Variants in CTNNA3 observed in about 807,000 individuals in gnomAD.
CTNNA3 encodes the protein catenin alpha-3.
A neutral mutation model predicts 95.7 loss-of-function variants in CTNNA3; 76 were observed. The observed-to-expected ratio is 0.79, with a 90% CI of 0.66 to 0.96. The LOEUF (loss-of-function observed/expected upper bound fraction) is 0.96. Ranked by LOEUF, CTNNA3 falls within the 40% of genes least tolerant of loss-of-function variation. The pLI is 0.00. For synonymous variants in CTNNA3, 431 were observed against 374.4 expected (o/e 1.15, Z -1.74); for missense variants, 1,191 against 1,089.8 (o/e 1.09, Z -1.31).
intron 5 of CTNNA3, among the ~76,000 whole-genome samples, chr10:67,241,761 T>C (rs147479258): frequency 6.6e-6 from 1 of 152,354 alleles, no homozygotes; most frequent in East Asian, 1.9e-4. Context: ...TGAGAAATCA[T>C]AAAAAGCGGT....
intron 5 of CTNNA3, among the ~76,000 whole-genome samples, chr10:67,246,379 CTT>C (rs1865909155): frequency 6.6e-6 from 1 of 152,134 alleles, no homozygotes; most frequent in Non-Finnish European, 1.5e-5. Flanking sequence ...TTTTTCCTCT[CTT>C]GTTTCTATCA....
chr10:66,807,075 G>C (rs2132252369), intron 7 of CTNNA3, among the ~76,000 whole-genome samples: 1 of 152,140 alleles, frequency 6.6e-6, no homozygotes, highest in East Asian at 1.9e-4. Flanking sequence ...TACTTACAAA[G>C]TATATTCTGA....
intron 11 of CTNNA3, among the ~76,000 whole-genome samples, chr10:66,407,827 C>T (rs2093070255): frequency 6.6e-6 from 1 of 152,208 alleles, no homozygotes; most frequent in Non-Finnish European, 1.5e-5. Flanking sequence ...GATCCACCCG[C>T]CCTGGCCTCC....
At chr10:67,735,146 AACACACAC>A (rs200624685) in intron 1 of CTNNA3, among the ~76,000 whole-genome samples, 5 of 85,836 alleles carry the variant, frequency 5.8e-5, no homozygotes, top group South Asian at 3.7e-4. Flanking sequence ...CACACACACA[AACACACAC>A]ACACACACAC....
At chr10:66,308,496 G>T (rs984605958) in intron 12 of CTNNA3, among the ~76,000 whole-genome samples, 1 of 151,998 alleles carries the variant, frequency 6.6e-6, no homozygotes, top group African/African-American at 2.4e-5. Context: ...CTGAAAGAGG[G>T]CATCATTTTT....
At chr10:66,564,814 A>C (rs1842656185) in intron 10 of CTNNA3, among the ~76,000 whole-genome samples, 1 of 152,318 alleles carries the variant, frequency 6.6e-6, no homozygotes, top group South Asian at 2.1e-4. Flanking sequence ...TAATTATTCG[A>C]CGTTTACAAT....
intron 5 of CTNNA3, among the ~76,000 whole-genome samples, chr10:67,443,258 G>A (rs541876929): frequency 0.028 from 4,148 of 150,426 alleles, 161 homozygotes; most frequent in African/African-American, 0.092. Flanking sequence ...ATAAACATAC[G>A]TGTGCATGTG....
intron 5 of CTNNA3, among the ~76,000 whole-genome samples, chr10:67,288,949 C>T (rs1331671006): frequency 6.6e-6 from 1 of 151,930 alleles, no homozygotes; most frequent in Admixed American, 6.6e-5. Flanking sequence ...GGCAAGAGAG[C>T]GAGATCCTGT....
chr10:66,933,870 G>A (rs560942277), intron 7 of CTNNA3, among the ~76,000 whole-genome samples: 2 of 152,288 alleles, frequency 1.3e-5, no homozygotes, highest in South Asian at 4.1e-4. Context: ...TTTTCAAAAT[G>A]TTTGTCATTT....
chr10:65,939,051 C>A (rs2077387598), intron 17 of CTNNA3, among the ~76,000 whole-genome samples: 1 of 151,962 alleles, frequency 6.6e-6, no homozygotes. Context: ...TACAGGTGCC[C>A]GCTACCATGC....
chr10:66,692,323 C>G (rs1053707874), intron 9 of CTNNA3, among the ~76,000 whole-genome samples: 1 of 152,090 alleles, frequency 6.6e-6, no homozygotes. Context: ...AATGCAGAAG[C>G]CTCAGAGCCG....
chr10:66,652,034 A>G (rs962552346), intron 9 of CTNNA3, among the ~76,000 whole-genome samples: 6 of 151,670 alleles, frequency 4.0e-5, no homozygotes, highest in Non-Finnish European at 7.4e-5. Context: ...AGAAGTTTAT[A>G]GCAATAGACA....
At chr10:66,379,699 T>C (rs1815497914) in intron 11 of CTNNA3, among the ~76,000 whole-genome samples, 1 of 152,136 alleles carries the variant, frequency 6.6e-6, no homozygotes, top group African/African-American at 2.4e-5. Context: ...GATGATGAAA[T>C]TCTACATCGT....
At chr10:67,317,433 T>C (rs1589159406) in intron 5 of CTNNA3, among the ~76,000 whole-genome samples, 2 of 17,194 alleles carry the variant, frequency 1.2e-4, no homozygotes, top group South Asian at 5.5e-3. Context: ...TCATTGTTCT[T>C]TTTTTTTTTT....
intron 9 of CTNNA3, among the ~76,000 whole-genome samples, chr10:66,644,239 A>G (rs1054572748): frequency 4.6e-5 from 7 of 151,152 alleles, no homozygotes; most frequent in Non-Finnish European, 2.9e-5. Context: ...AGCCTGAGTG[A>G]CGGAATAAGA....
At chr10:66,304,590 A>T (rs2091906588) in intron 12 of CTNNA3, among the ~76,000 whole-genome samples, 1 of 152,190 alleles carries the variant, frequency 6.6e-6, no homozygotes, top group Admixed American at 6.5e-5. Context: ...GGGGTAAAGC[A>T]TCTGTATCTT....
chr10:66,812,783 A>T (rs1337521340), intron 7 of CTNNA3, among the ~76,000 whole-genome samples: 1 of 152,150 alleles, frequency 6.6e-6, no homozygotes, highest in Non-Finnish European at 1.5e-5. Context: ...TTGCATGAAA[A>T]GCCAGTCCAG....
chr10:66,026,067 A>G (rs1466252315), intron 15 of CTNNA3, among the ~76,000 whole-genome samples: 1 of 152,184 alleles, frequency 6.6e-6, no homozygotes, highest in African/African-American at 2.4e-5. Flanking sequence ...GCGTATCATT[A>G]AAGATCCTAA....
intron 7 of CTNNA3, among the ~76,000 whole-genome samples, chr10:66,976,244 A>G (rs993089258): frequency 1.3e-5 from 2 of 152,206 alleles, no homozygotes; most frequent in African/African-American, 2.4e-5. Flanking sequence ...GTTGGAGAAC[A>G]TAGAAATGGA....
Sources: allele counts gnomAD v4.1 joint callset (sites outside exome capture counted in the v4.1 genomes callset), GRCh38; gene constraint gnomAD v4.1.1; transcripts MANE v1.5; gene names NCBI Gene and HGNC (gene_info 2026-07-23, HGNC 2026-07-21).